Variants in MPPED2 observed in about 807,000 individuals in gnomAD.
MPPED2 encodes metallophosphoesterase domain containing 2, also known as metallophosphoesterase MPPED2.
A neutral mutation model predicts 33.0 loss-of-function variants in MPPED2; 5 were observed. The ratio of observed to expected loss-of-function variants is 0.15; its 90% CI spans 0.08 to 0.32. MPPED2 has a LOEUF of 0.32. MPPED2 is among the 10% of genes least tolerant of loss of function. MPPED2 has a pLI of 1.00. For synonymous variants in MPPED2, 136 were observed against 141.9 expected, an observed-to-expected ratio of 0.96 and a Z score of 0.29; for missense variants, 275 against 372.1, an observed-to-expected ratio of 0.74 and a Z score of 2.15.
At chr11:30,505,004 A>G (rs367626270) in intron 3 of MPPED2, among the ~76,000 whole-genome samples, 4 of 152,128 alleles carry the variant, frequency 2.6e-5, no homozygotes, top group Non-Finnish European at 5.9e-5. Context: ...AGCCTCCTCC[A>G]TAAAGAGAAT....
At chr11:30,391,790 G>T (rs1947780078) in intron 6 of MPPED2, among the ~76,000 whole-genome samples, 1 of 151,976 alleles carries the variant, frequency 6.6e-6, no homozygotes, top group Non-Finnish European at 1.5e-5. Context: ...TTTAAAAATG[G>T]AAAAATTCAA....
chr11:30,536,302 C>T (rs777499160), intron 2 of MPPED2, 127 bp from the exon 3 acceptor site: 84 of 762,778 alleles, frequency 1.1e-4, no homozygotes, highest in Non-Finnish European at 1.6e-4. Context: ...GCAGAAGGGC[C>T]CACTGTAATT....
At chr11:30,521,569 C>A (rs1012046227) in intron 3 of MPPED2, among the ~76,000 whole-genome samples, 5 of 152,158 alleles carry the variant, frequency 3.3e-5, no homozygotes, top group African/African-American at 1.2e-4. Flanking sequence ...TTAAACAAAC[C>A]TAGTTTATTT....
intron 3 of MPPED2, among the ~76,000 whole-genome samples, chr11:30,515,830 C>T (rs989253286): frequency 1.1e-4 from 17 of 152,152 alleles, no homozygotes; most frequent in African/African-American, 2.9e-4. Flanking sequence ...GTGAAGAAAA[C>T]TTTAAAATCC....
chr11:30,525,923 C>G (rs1455962170), intron 3 of MPPED2, among the ~76,000 whole-genome samples: 1 of 152,142 alleles, frequency 6.6e-6, no homozygotes, highest in African/African-American at 2.4e-5. Flanking sequence ...GTCCTCAGGT[C>G]ACTAATGATC....
chr11:30,451,547 T>G, intron 4 of MPPED2: 1 of 296,832 alleles, frequency 3.4e-6, no homozygotes, highest in African/African-American at 2.3e-5. Flanking sequence ...AAGGAATCTT[T>G]AGGGCCAGAA....
At chr11:30,489,882 G>A (rs1734335234) in intron 4 of MPPED2, among the ~76,000 whole-genome samples, 1 of 151,206 alleles carries the variant, frequency 6.6e-6, no homozygotes, top group South Asian at 2.1e-4. Flanking sequence ...ACTTTCTGCA[G>A]CTTGGCTGCT....
intron 4 of MPPED2, among the ~76,000 whole-genome samples, chr11:30,494,848 T>A (rs577472327): frequency 6.6e-6 from 1 of 151,872 alleles, no homozygotes; most frequent in East Asian, 1.9e-4. Flanking sequence ...TTGTCATTAA[T>A]CCTTAAACCA....
At chr11:30,453,563 G>A (rs941024428) in intron 4 of MPPED2, among the ~76,000 whole-genome samples, 9 of 152,190 alleles carry the variant, frequency 5.9e-5, no homozygotes, top group Admixed American at 2.6e-4. Flanking sequence ...TTCTGGCTGC[G>A]TATGGAGACG....
chr11:30,452,205 C>A, intron 4 of MPPED2: 1 of 499,008 alleles, frequency 2.0e-6, no homozygotes, highest in Non-Finnish European at 2.6e-6. Flanking sequence ...TCCCTGCACC[C>A]AGCACTCTGG....
At chr11:30,576,265 C>T (rs1956926477) in intron 2 of MPPED2, among the ~76,000 whole-genome samples, 1 of 152,138 alleles carries the variant, frequency 6.6e-6, no homozygotes, top group African/African-American at 2.4e-5. Flanking sequence ...AAATGTTAAA[C>T]CCGGTAATCT....
intron 3 of MPPED2, among the ~76,000 whole-genome samples, chr11:30,527,354 T>C (rs927130503): frequency 1.8e-4 from 27 of 150,844 alleles, no homozygotes; most frequent in African/African-American, 6.3e-4. Context: ...GAAAGTATTA[T>C]GTGAAAGAGT....
chr11:30,572,923 G>T (rs529428993), intron 2 of MPPED2, among the ~76,000 whole-genome samples: 20 of 152,314 alleles, frequency 1.3e-4, no homozygotes, highest in Non-Finnish European at 1.5e-4. Flanking sequence ...GTTAAAAGGG[G>T]AAGAGATGAT....
At chr11:30,562,777 C>T (rs986911213) in intron 2 of MPPED2, among the ~76,000 whole-genome samples, 2 of 152,142 alleles carry the variant, frequency 1.3e-5, no homozygotes, top group African/African-American at 4.8e-5. Context: ...TTCTCTACTT[C>T]TGTTTCCTTC....
intron 2 of MPPED2, among the ~76,000 whole-genome samples, chr11:30,560,647 C>T (rs1956199795): frequency 6.6e-6 from 1 of 152,186 alleles, no homozygotes; most frequent in African/African-American, 2.4e-5. Flanking sequence ...CTAATACTAA[C>T]TCAAGACACT....
chr11:30,545,253 A>T (rs1348542354), intron 2 of MPPED2, among the ~76,000 whole-genome samples: 1 of 152,180 alleles, frequency 6.6e-6, no homozygotes, highest in African/African-American at 2.4e-5. Flanking sequence ...ATTCTTGAGG[A>T]AAGGTTGGTT....
At chr11:30,417,480 G>C in intron 5 of MPPED2, 38 bp downstream of exon 5, 1 of 1,160,132 alleles carries the variant, frequency 8.6e-7, no homozygotes, top group East Asian at 2.4e-5. Context: ...GGAAAAAAAG[G>C]CATCTGGATG....
chr11:30,572,645 C>A (rs1457716759), intron 2 of MPPED2, among the ~76,000 whole-genome samples: 2 of 152,028 alleles, frequency 1.3e-5, no homozygotes, highest in Non-Finnish European at 2.9e-5. Context: ...TTTAAAACAG[C>A]AAATGCAGCC....
chr11:30,512,865 G>A (rs1953299364), intron 3 of MPPED2, among the ~76,000 whole-genome samples: 1 of 152,118 alleles, frequency 6.6e-6, no homozygotes, highest in Non-Finnish European at 1.5e-5. Flanking sequence ...GCCAAATGTG[G>A]TGGTGTACAC....
Sources: allele counts gnomAD v4.1 joint callset (sites outside exome capture counted in the v4.1 genomes callset), GRCh38; gene constraint gnomAD v4.1.1; transcripts MANE v1.5; gene names NCBI Gene and HGNC (gene_info 2026-07-23, HGNC 2026-07-21).